The following FOXP2 variants were observed in gnomAD, a reference collection of about 807,000 sequenced individuals.
FOXP2 encodes forkhead box P2.
FOXP2 carries 12 observed loss-of-function variants against 115.8 expected under a neutral mutation model. The observed-to-expected ratio is 0.10, with a 90% CI of 0.07 to 0.17. The LOEUF is 0.17. FOXP2 is among the 10% of genes least tolerant of loss of function. The pLI, the probability that FOXP2 is intolerant of heterozygous loss-of-function variation, is 1.00. For missense variants in FOXP2, 629 were observed against 843.5 expected (o/e 0.75, Z 3.15); for synonymous variants, 328 against 297.7 (o/e 1.10, Z -1.05).
At chr7:114,223,444 T>C (rs1049552282) in intron 1 of FOXP2, among the ~76,000 whole-genome samples, 1 of 148,784 alleles carries the variant, frequency 6.7e-6, no homozygotes, top group African/African-American at 2.4e-5. Flanking sequence ...GTGTTATAAA[T>C]CTGTTGCATA....
intron 1 of FOXP2, among the ~76,000 whole-genome samples, chr7:114,226,027 G>A (rs1450394157): frequency 6.6e-6 from 1 of 152,116 alleles, no homozygotes; most frequent in African/African-American, 2.4e-5. Flanking sequence ...CACACAGGTG[G>A]TTGTCATAGA....
chr7:114,086,472 GCC>G (rs200867210), upstream of FOXP2: 161 of 337,502 alleles, frequency 4.8e-4, no homozygotes, highest in African/African-American at 3.2e-3. Flanking sequence ...GGCTTCCTCG[GCC>G]CCCCCCCTCC....
chr7:114,348,421 TCTA>T (rs1312669236), intron 2 of FOXP2, among the ~76,000 whole-genome samples: 12 of 152,222 alleles, frequency 7.9e-5, no homozygotes, highest in South Asian at 6.2e-4. Flanking sequence ...CCTCTTGTTG[TCTA>T]CTTTGTTCAA....
At chr7:114,108,327 T>G (rs1791175950) in intron 1 of FOXP2, among the ~76,000 whole-genome samples, 2 of 151,920 alleles carry the variant, frequency 1.3e-5, no homozygotes, top group African/African-American at 4.8e-5. Flanking sequence ...CAAACTGTAG[T>G]GAAGTTCTGA....
chr7:114,215,043 A>AT (rs1794452041), intron 1 of FOXP2, among the ~76,000 whole-genome samples: 1 of 152,156 alleles, frequency 6.6e-6, no homozygotes, highest in African/African-American at 2.4e-5. Context: ...CACTATTAAT[A>AT]TTTTTTAGAA....
intron 1 of FOXP2, among the ~76,000 whole-genome samples, chr7:114,236,196 A>C (rs1441452288): frequency 6.6e-6 from 1 of 152,224 alleles, no homozygotes; most frequent in African/African-American, 2.4e-5. Flanking sequence ...ATGGATTGGC[A>C]ATTGATATGT....
intron 1 of FOXP2, among the ~76,000 whole-genome samples, chr7:114,129,459 C>A (rs1791813289): frequency 6.6e-6 from 1 of 151,966 alleles, no homozygotes. Flanking sequence ...AACCATGGGT[C>A]AATGCCATAT....
In FOXP2 at chr7:114,692,351, T is replaced by G. The variant is rs936149525; in HGVS notation, c.*2425T>G. The stretch of plus-strand genomic sequence containing the variant: ...GCATGGGTTTTATATGAATACAATT[T>G]TAAAAAATAGCTGCTTGCACATTAT... On this transcript the variant is annotated 3_prime_UTR_variant, in exon 17 of 17. Coordinates refer to ENST00000350908, the MANE Select transcript of FOXP2 (RefSeq NM_014491.4). 5 of 453,786 alleles carry G rather than the reference T, an allele frequency of 1.1e-5. No individual in the cohort carries two copies. Among genetic ancestry groups the G allele is most frequent in the African/African-American group, 1.0e-4 (5 of 49,988 alleles). 28.1% of individuals were successfully genotyped at this position (453,786 alleles called of 1,614,324 possible).
intron 1 of FOXP2, among the ~76,000 whole-genome samples, chr7:114,106,430 GC>G (rs1184064993): frequency 6.6e-6 from 1 of 150,630 alleles, no homozygotes; most frequent in African/African-American, 2.4e-5. Flanking sequence ...AAACTAAAGT[GC>G]CAGGGTTTAG....
chr7:114,347,473 A>G (rs1791374948), intron 2 of FOXP2, among the ~76,000 whole-genome samples: 2 of 151,940 alleles, frequency 1.3e-5, no homozygotes, highest in African/African-American at 4.8e-5. Flanking sequence ...ATCAGTAGTT[A>G]ATGCTTTCAC....
chr7:114,391,439 A>G (rs992487173), intron 2 of FOXP2, among the ~76,000 whole-genome samples: 15 of 152,184 alleles, frequency 9.9e-5, no homozygotes, highest in African/African-American at 3.6e-4. Flanking sequence ...AATCCAAATG[A>G]AACTTAAGGA....
chr7:114,359,224 A>T (rs889890135), intron 2 of FOXP2, among the ~76,000 whole-genome samples: 1 of 152,206 alleles, frequency 6.6e-6, no homozygotes, highest in Admixed American at 6.5e-5. Context: ...GGTAGCTTAC[A>T]TGTGATGCTG....
chr7:114,461,084 G>C (rs982112518), intron 2 of FOXP2, among the ~76,000 whole-genome samples: 5 of 152,066 alleles, frequency 3.3e-5, no homozygotes, highest in African/African-American at 1.2e-4. Context: ...TTAAGTTAAA[G>C]GTCCAATAGC....
intron 16 of FOXP2, among the ~76,000 whole-genome samples, chr7:114,672,359 C>A (rs974658117): frequency 4.3e-4 from 66 of 152,002 alleles, no homozygotes; most frequent in Non-Finnish European, 8.7e-4. Flanking sequence ...CCGAGGTGGG[C>A]AGATCACCTG....
chr7:114,306,856 A>G (rs902783608), intron 2 of FOXP2, among the ~76,000 whole-genome samples: 1 of 152,062 alleles, frequency 6.6e-6, no homozygotes, highest in Non-Finnish European at 1.5e-5. Flanking sequence ...CAAAGCCAGC[A>G]ATGACTGGTT....
intron 3 of FOXP2, among the ~76,000 whole-genome samples, chr7:114,606,057 T>C (rs966800618): frequency 1.3e-5 from 2 of 152,130 alleles, no homozygotes; most frequent in African/African-American, 2.4e-5. Flanking sequence ...CAAGAAGGCG[T>C]TGGACTGAAG....
intron 2 of FOXP2, among the ~76,000 whole-genome samples, chr7:114,515,995 T>C (rs1798322957): frequency 6.6e-6 from 1 of 152,156 alleles, no homozygotes; most frequent in Non-Finnish European, 1.5e-5. Flanking sequence ...CAAGGTAATT[T>C]ATAGATTCAA....
chr7:114,376,535 G>T (rs956932479), intron 2 of FOXP2, among the ~76,000 whole-genome samples: 2 of 152,144 alleles, frequency 1.3e-5, no homozygotes, highest in East Asian at 3.9e-4. Flanking sequence ...CACTGTTCTG[G>T]ACTCTAAATG....
chr7:114,466,262 A>T (rs1302873931), intron 2 of FOXP2, among the ~76,000 whole-genome samples: 1 of 152,158 alleles, frequency 6.6e-6, no homozygotes, highest in African/African-American at 2.4e-5. Context: ...CAACTATTCC[A>T]TGCTCTTGCC....
Sources: allele counts gnomAD v4.1 joint callset (sites outside exome capture counted in the v4.1 genomes callset), GRCh38; gene constraint gnomAD v4.1.1; transcripts MANE v1.5; gene names NCBI Gene and HGNC (gene_info 2026-07-23, HGNC 2026-07-21).